KLHL20: variants seen among roughly 807,000 people sequenced by gnomAD.
KLHL20 encodes kelch-like protein 20.
In KLHL20, 29 loss-of-function variants were observed where a neutral mutation model predicts 69.5. The observed-to-expected ratio is 0.42, with a 90% CI of 0.31 to 0.57. KLHL20 has a LOEUF of 0.57. KLHL20 is among the 20% of genes least tolerant of loss of function. The probability of loss-of-function intolerance (pLI) is 0.18; values close to 1 mark genes in which losing one functional copy is unlikely to be tolerated. For synonymous variants in KLHL20, 253 were observed against 265.2 expected (o/e 0.95, Z 0.45); for missense variants, 419 against 776.0 (o/e 0.54, Z 5.47).
Position 173,751,941 on chromosome 1 carries a change from C to T in KLHL20, c.756+19C>T. 1 of 1,608,866 alleles carries T rather than the reference C, an allele frequency of 6.2e-7. No individual in the cohort carries two copies. The highest frequency in any genetic ancestry group is 8.5e-7 in the Non-Finnish European group (1 of 1,176,898). ...ACCCCAGGTAATGATAGAAATTCTT[C>T]TCTAAGAAACTGCTGACCGGGCATG... On this transcript the variant is annotated intron_variant, in intron 4 of 11. Coordinates refer to ENST00000209884, the MANE Select transcript of KLHL20 (RefSeq NM_014458.4).
At chr1:173,730,729 T>C (rs1168184703) in intron 2 of KLHL20, among the ~76,000 whole-genome samples, 1 of 152,166 alleles carries the variant, frequency 6.6e-6, no homozygotes, top group East Asian at 1.9e-4. Flanking sequence ...TCAAGATGGA[T>C]TAAAGACTTA....
intron 8 of KLHL20, among the ~76,000 whole-genome samples, chr1:173,773,820 T>G (rs1648266421): frequency 1.3e-5 from 2 of 152,058 alleles, no homozygotes; most frequent in South Asian, 4.1e-4. Context: ...GAGACCCTCC[T>G]GGCTAACATG....
intron 2 of KLHL20, among the ~76,000 whole-genome samples, chr1:173,723,134 T>G (rs1558179844): frequency 6.6e-6 from 1 of 152,246 alleles, no homozygotes; most frequent in East Asian, 1.9e-4. Flanking sequence ...CACTTTACTT[T>G]CAGCATGCAG....
intron 2 of KLHL20, among the ~76,000 whole-genome samples, chr1:173,722,204 A>G (rs1035320136): frequency 3.9e-5 from 6 of 152,070 alleles, no homozygotes; most frequent in African/African-American, 9.7e-5. Flanking sequence ...TCCTGCCTCA[A>G]CCTGCCAAAG....
intron 3 of KLHL20, among the ~76,000 whole-genome samples, chr1:173,743,134 A>G (rs1400032078): frequency 1.4e-5 from 2 of 141,410 alleles, no homozygotes; most frequent in Non-Finnish European, 3.1e-5. Context: ...AAAAAAAAAA[A>G]GGTGGTCAAA....
intron 2 of KLHL20, among the ~76,000 whole-genome samples, chr1:173,729,882 G>C (rs1672172681): frequency 6.6e-6 from 1 of 152,146 alleles, no homozygotes; most frequent in Non-Finnish European, 1.5e-5. Context: ...AATCAGGCAG[G>C]AGAAGGAAAT....
intron 3 of KLHL20, 75 bp from the exon 4 acceptor site, chr1:173,751,689 T>C (rs1673321850): frequency 1.7e-5 from 24 of 1,451,050 alleles, no homozygotes; most frequent in Non-Finnish European, 2.3e-5. Context: ...CTTTGTCCCA[T>C]AACCCTGAAG....
At chr1:173,740,694 G>T (rs551654342) in intron 3 of KLHL20, among the ~76,000 whole-genome samples, 1 of 151,744 alleles carries the variant, frequency 6.6e-6, no homozygotes, top group African/African-American at 2.4e-5. Context: ...ATGTATTTGC[G>T]TGGTTTTGAG....
chr1:173,755,310 A>G (rs1401145281), intron 5 of KLHL20, among the ~76,000 whole-genome samples: 1 of 152,100 alleles, frequency 6.6e-6, no homozygotes, highest in Non-Finnish European at 1.5e-5. Context: ...ACCGCCCCTC[A>G]GCCTCCCAAA....
In KLHL20 at chr1:173,733,983, A is replaced by C; in HGVS notation, c.294A>C (p.Thr98=). 1 of 1,614,208 alleles carries C rather than the reference A, an allele frequency of 6.2e-7. No individual in the cohort carries two copies. The highest frequency in any genetic ancestry group is 2.2e-5 in the East Asian group (1 of 44,882). Residue 98 remains threonine, a synonymous_variant, in exon 3 of 12, where the codon ACA becomes ACC. Coordinates refer to ENST00000209884, the MANE Select transcript of KLHL20 (RefSeq NM_014458.4). The part of the protein sequence containing the change: ...ACSPYFRAMF[T]GELAESRQTE... ...GTCCCTACTTCCGAGCTATGTTTAC[A>C]GGAGAATTGGCAGAGAGCCGTCAGA... is the stretch of plus-strand genomic sequence containing the variant.
intron 3 of KLHL20, among the ~76,000 whole-genome samples, chr1:173,745,537 T>G (rs893238409): frequency 9.2e-5 from 14 of 152,166 alleles, no homozygotes; most frequent in Non-Finnish European, 1.0e-4. Flanking sequence ...CCATTATATC[T>G]TCTAACTGGT....
intron 5 of KLHL20, among the ~76,000 whole-genome samples, chr1:173,755,091 G>A (rs980713985): frequency 5.0e-5 from 7 of 138,860 alleles, no homozygotes; most frequent in South Asian, 2.2e-4. Flanking sequence ...ACGGAGTCTC[G>A]CTCTGTTGCC....
chr1:173,729,459 A>G (rs1048399888), intron 2 of KLHL20, among the ~76,000 whole-genome samples: 8 of 152,352 alleles, frequency 5.3e-5, no homozygotes, highest in African/African-American at 1.9e-4. Context: ...ATGAACATCA[A>G]AGCAAAACTT....
intron 3 of KLHL20, among the ~76,000 whole-genome samples, chr1:173,746,001 T>C (rs548217265): frequency 1.3e-5 from 2 of 152,290 alleles, no homozygotes; most frequent in Non-Finnish European, 2.9e-5. Flanking sequence ...ATTCCTATTC[T>C]CTTGAATACT....
intron 3 of KLHL20, among the ~76,000 whole-genome samples, chr1:173,743,883 G>A (rs375420501): frequency 2.4e-4 from 37 of 152,190 alleles, no homozygotes; most frequent in Middle Eastern, 3.4e-3. Context: ...TTGTGTGGAT[G>A]TACCACTGTT....
rs749056827 is a variant in KLHL20, at chr1:173,785,276, CCT to C, written c.*32_*33del. ...CAGAGAAGACAGTCTTGTATATATT[CCT>C]CTGTATTCTGGGGAGCTTTGACCTT... is the stretch of plus-strand genomic sequence containing the variant. On this transcript the variant is annotated 3_prime_UTR_variant, in exon 12 of 12. Transcript: ENST00000209884. 1 of 1,501,814 alleles carries C rather than the reference CCT, an allele frequency of 6.7e-7. No homozygotes were observed. The highest frequency in any genetic ancestry group is 1.4e-5 in the African/African-American group (1 of 70,888). 93.0% of individuals were successfully genotyped at this position (1,501,814 alleles called of 1,614,324 possible).
At chr1:173,781,863 C>G in intron 10 of KLHL20, 1 of 290,586 alleles carries the variant, frequency 3.4e-6, no homozygotes, top group Non-Finnish European at 6.5e-6. Context: ...AGGTTGTTTG[C>G]TCACTTCTAG....
chr1:173,715,952 G>C, intron 1 of KLHL20, 51 bp from the exon 2 acceptor site: 1 of 1,292,864 alleles, frequency 7.7e-7, no homozygotes, highest in South Asian at 1.3e-5. Flanking sequence ...GATTGTTACT[G>C]TAAAGATCAG....
At chr1:173,751,685 C>G (rs962883098) in intron 3 of KLHL20, 79 bp from the exon 4 acceptor site, 3 of 1,405,910 alleles carry the variant, frequency 2.1e-6, no homozygotes, top group Non-Finnish European at 2.0e-6. Context: ...ACAGCTTTGT[C>G]CCATAACCCT....
Sources: allele counts gnomAD v4.1 joint callset (sites outside exome capture counted in the v4.1 genomes callset), GRCh38; gene constraint gnomAD v4.1.1; transcripts MANE v1.5; gene names NCBI Gene and HGNC (gene_info 2026-07-23, HGNC 2026-07-21).